SLCO6A1: variants seen among roughly 807,000 people sequenced by gnomAD.
SLCO6A1 encodes solute carrier organic anion transporter family member 6A1.
Under a neutral mutation model 72.7 loss-of-function variants are expected in SLCO6A1, and 65 were observed. The ratio of observed to expected loss-of-function variants is 0.89; its 90% CI spans 0.73 to 1.10. The LOEUF is 1.10. Ranked by LOEUF, SLCO6A1 falls within the 50% of genes least tolerant of loss-of-function variation. SLCO6A1 has a pLI of 0.00. For missense variants in SLCO6A1, 874 were observed against 872.6 expected, an observed-to-expected ratio of 1.00 and a Z score of -0.02; for synonymous variants, 314 against 298.2, an observed-to-expected ratio of 1.05 and a Z score of -0.55.
rs954868824 is a variant in SLCO6A1 at position 102,477,966 on chromosome 5, C to T, written c.617-105G>A. Reference sequence around the variant, plus strand: ...TTTACAAGCTATTTCCAAAATTATGCTTTTTTCTTTTAGTTAACATTTCAT... The same window carrying T: ...TTTACAAGCTATTTCCAAAATTATGTTTTTTTCTTTTAGTTAACATTTCAT... On this transcript the variant is annotated intron_variant, in intron 2 of 13. Transcript: ENST00000506729. 4.7e-6 allele frequency: 5 copies of T among 1,074,836 alleles called. No individual in the cohort carries two copies. In the African/African-American group the frequency reaches 6.4e-5, roughly 14 times the overall value. The allele number at this position is 1,074,836 out of a possible 1,614,324, so 66.6% of individuals were successfully genotyped here. A position where few individuals can be genotyped will look rare whatever the true frequency, so the allele number is the denominator to read the frequency against.
intron 10 of SLCO6A1, chr5:102,391,280 T>G: frequency 2.1e-6 from 1 of 485,986 alleles, no homozygotes; most frequent in Non-Finnish European, 3.7e-6. Flanking sequence ...AGAAGAAGGT[T>G]TTTATGGCCC....
chr5:102,381,250 CCT>C (rs773355829), intron 12 of SLCO6A1, among the ~76,000 whole-genome samples: 58 of 151,790 alleles, frequency 3.8e-4, no homozygotes, highest in African/African-American at 1.0e-3. Context: ...ATCACCAGCC[CCT>C]GTCAACAACT....
At chr5:102,395,220 G>A (rs1580347948) in intron 10 of SLCO6A1, among the ~76,000 whole-genome samples, 2 of 151,440 alleles carry the variant, frequency 1.3e-5, no homozygotes, top group South Asian at 4.2e-4. Context: ...GCCCTGGTGT[G>A]TGATGTTCCC....
intron 3 of SLCO6A1, among the ~76,000 whole-genome samples, chr5:102,476,706 T>C (rs1038104428): frequency 6.6e-6 from 1 of 152,006 alleles, no homozygotes; most frequent in Non-Finnish European, 1.5e-5. Context: ...ACATGAAATA[T>C]ATTTAATATA....
chr5:102,429,847 C>T (rs1222762029), intron 7 of SLCO6A1, among the ~76,000 whole-genome samples: 1 of 152,084 alleles, frequency 6.6e-6, no homozygotes, highest in Non-Finnish European at 1.5e-5. Context: ...TGAAGAATTG[C>T]ATTGGTAGTT....
chr5:102,477,656 A>AAACTAT lies in SLCO6A1; in HGVS notation c.802+19_802+20insATAGTT. On this transcript the variant is annotated intron_variant, in intron 3 of 13. Coordinates refer to ENST00000506729, the MANE Select transcript of SLCO6A1 (RefSeq NM_173488.5). ...GAAAACTCAAAATGGGTCAATCGTA[A>AAACTAT]TAGAGGGGGTAAAACTTGCCTAAAT... 6.2e-7 allele frequency: 1 copy of AAACTAT among 1,602,306 alleles called. No individual in the cohort carries two copies.
intron 9 of SLCO6A1, among the ~76,000 whole-genome samples, chr5:102,406,473 A>G (rs570788327): frequency 6.6e-6 from 1 of 152,212 alleles, no homozygotes; most frequent in Middle Eastern, 3.4e-3. Context: ...ACAAAAATAA[A>G]GAGAAATAGA....
chr5:102,395,957 G>C (rs1438689614), intron 10 of SLCO6A1, among the ~76,000 whole-genome samples: 2 of 152,032 alleles, frequency 1.3e-5, no homozygotes, highest in African/African-American at 2.4e-5. Flanking sequence ...TGTCAGATGA[G>C]TAGATTGCAA....
chr5:102,498,876 C>A lies in SLCO6A1; in HGVS notation c.-32G>T, dbSNP rs1173399213. The A allele has an allele frequency of 1.9e-6, 3 of 1,569,260 alleles. No homozygotes were observed. Among genetic ancestry groups the A allele is most frequent in the African/African-American group, 2.7e-5 (2 of 73,746 alleles). ...CCCTGGGCGGCTCCTGGCGACGCGG[C>A]CCGAGTGCTCTCGGCTGCCCGTCCT... On this transcript the variant is annotated 5_prime_UTR_variant, in exon 1 of 14. Transcript: ENST00000506729.
intron 10 of SLCO6A1, among the ~76,000 whole-genome samples, chr5:102,392,288 A>G (rs1169920371): frequency 1.3e-5 from 2 of 152,000 alleles, no homozygotes; most frequent in African/African-American, 2.4e-5. Context: ...AAATTTTTAA[A>G]TAAAAAATAA....
chr5:102,483,893 T>C (rs1752324782), intron 1 of SLCO6A1, among the ~76,000 whole-genome samples: 1 of 152,190 alleles, frequency 6.6e-6, no homozygotes, highest in Non-Finnish European at 1.5e-5. Context: ...AGTGATCTGG[T>C]GAGTTTGAGT....
In SLCO6A1 at chr5:102,411,647, C is replaced by G. The variant is rs184668077; in HGVS notation, c.1626+1343G>C. On this transcript the variant is annotated intron_variant, in intron 9 of 13. Coordinates refer to ENST00000506729, the MANE Select transcript of SLCO6A1 (RefSeq NM_173488.5). Reference sequence around the variant, plus strand: ...AACTCCTATCTAAGGGATCTGGGGACTCATGCCCTTCAAACCATAAATTCT... The same window carrying G: ...AACTCCTATCTAAGGGATCTGGGGAGTCATGCCCTTCAAACCATAAATTCT... 8.1e-3 allele frequency among the ~76,000 whole-genome samples: 1,230 copies of G among 151,694 alleles called. 11 individuals carry two copies. Among genetic ancestry groups the G allele is most frequent in the Non-Finnish European group, 0.015 (1,005 of 67,948 alleles).
At chr5:102,427,609 A>C (rs1436913308) in intron 7 of SLCO6A1, among the ~76,000 whole-genome samples, 1 of 152,016 alleles carries the variant, frequency 6.6e-6, no homozygotes, top group Admixed American at 6.6e-5. Context: ...AGAACTTCAA[A>C]GAGACATGAC....
intron 1 of SLCO6A1, among the ~76,000 whole-genome samples, chr5:102,486,697 G>C (rs1752455325): frequency 6.6e-6 from 1 of 151,994 alleles, no homozygotes; most frequent in South Asian, 2.1e-4. Context: ...GATACAATTA[G>C]GAATTGTTTG....
chr5:102,493,385 CA>C (rs1374399590), intron 1 of SLCO6A1, among the ~76,000 whole-genome samples: 2 of 152,072 alleles, frequency 1.3e-5, no homozygotes, highest in Non-Finnish European at 1.5e-5. Flanking sequence ...ATTAATACAA[CA>C]AATTTTTCCT....
In SLCO6A1 at chr5:102,466,273, G is replaced by A. The variant is rs111264972; in HGVS notation, c.900-6496C>T. On this transcript the variant is annotated intron_variant, in intron 4 of 13. Transcript: ENST00000506729. ...CTCCCATTTATAAGAGAAAATATAC[G>A]GTATTTGGTTTTCTATTCCTGCATT... is the stretch of plus-strand genomic sequence containing the variant. Among the ~76,000 whole-genome samples the A allele has an allele frequency of 2.2e-3, 329 of 151,890 alleles. 3 individuals carry two copies. Among genetic ancestry groups the A allele is most frequent in the African/African-American group, 7.3e-3 (301 of 41,468 alleles).
intron 10 of SLCO6A1, among the ~76,000 whole-genome samples, chr5:102,393,387 A>T (rs1311403650): frequency 2.6e-5 from 4 of 152,060 alleles, no homozygotes; most frequent in Non-Finnish European, 5.9e-5. Context: ...TGCTCATTAC[A>T]TTCTGTAATA....
At chr5:102,492,513 C>T (rs113563072) in intron 1 of SLCO6A1, among the ~76,000 whole-genome samples, 8,865 of 152,200 alleles carry the variant, frequency 0.058, 858 homozygotes, top group African/African-American at 0.2. Flanking sequence ...CCGGGTTCAT[C>T]TCACTGGGGC....
At chr5:102,406,115 A>G (rs1291728634) in intron 9 of SLCO6A1, among the ~76,000 whole-genome samples, 1 of 150,512 alleles carries the variant, frequency 6.6e-6, no homozygotes, top group Non-Finnish European at 1.5e-5. Flanking sequence ...AAGCAGCTAG[A>G]TCTAAACTCA....
Sources: gnomAD v4.1 joint callset for allele counts (sites outside exome capture counted in the v4.1 genomes callset) on GRCh38, gnomAD v4.1.1 for gene constraint, MANE v1.5 for transcripts, NCBI Gene and HGNC (gene_info 2026-07-23, HGNC 2026-07-21) for gene names.